TLK1: variants seen among roughly 807,000 people sequenced by gnomAD.
TLK1 encodes serine/threonine-protein kinase tousled-like 1.
TLK1 carries 24 observed loss-of-function variants against 105.3 expected under a neutral mutation model. That is an observed-to-expected ratio of 0.23 (90% CI 0.17 to 0.32). The LOEUF is 0.32. Among genes scored for constraint, TLK1 ranks in the 10% least tolerant of loss-of-function variants. The probability of loss-of-function intolerance (pLI) is 1.00; values close to 1 mark genes in which losing one functional copy is unlikely to be tolerated. For missense variants in TLK1, 558 were observed against 910.5 expected, an observed-to-expected ratio of 0.61 and a Z score of 4.98; for synonymous variants, 321 against 310.4, an observed-to-expected ratio of 1.03 and a Z score of -0.36.
At chr2:171,145,596 A>AAAAAAAC (rs976687041) in intron 1 of TLK1, among the ~76,000 whole-genome samples, 1 of 151,648 alleles carries the variant, frequency 6.6e-6, no homozygotes, top group Non-Finnish European at 1.5e-5. Context: ...TCTCAAAAAA[A>AAAAAAAC]AAAAAACAAA....
intron 1 of TLK1, among the ~76,000 whole-genome samples, chr2:171,138,337 T>C (rs1691427469): frequency 6.6e-6 from 1 of 152,178 alleles, no homozygotes; most frequent in Non-Finnish European, 1.5e-5. Flanking sequence ...GGCTTTATAA[T>C]AGCAAATAGA....
At chr2:171,037,611 C>T (rs866929412) in intron 11 of TLK1, among the ~76,000 whole-genome samples, 12 of 151,636 alleles carry the variant, frequency 7.9e-5, no homozygotes, top group Non-Finnish European at 1.6e-4. Context: ...TAAAATTTTT[C>T]GTATCTATTA....
intron 2 of TLK1, among the ~76,000 whole-genome samples, chr2:171,094,587 G>T (rs1285045206): frequency 6.6e-6 from 1 of 152,066 alleles, no homozygotes; most frequent in Non-Finnish European, 1.5e-5. Context: ...GACACTGTAA[G>T]GGCAAGCAAT....
At chr2:171,136,542 G>A (rs953695405) in intron 1 of TLK1, among the ~76,000 whole-genome samples, 1 of 151,968 alleles carries the variant, frequency 6.6e-6, no homozygotes, top group Non-Finnish European at 1.5e-5. Context: ...AGAGTGAGAC[G>A]CTGTCTCAAA....
At position 171,196,122 on chromosome 2, in the gene TLK1, G is replaced by GTTTT. The variant is rs570467416; in HGVS notation, c.-6+35019_-6+35022dup. Among the ~76,000 whole-genome samples the GTTTT allele has an allele frequency of 3.0e-3, 425 of 141,178 alleles. 6 individuals are homozygous for GTTTT. Among genetic ancestry groups the GTTTT allele is most frequent in the Middle Eastern group, 0.015 (4 of 264 alleles). The allele number at this position is 141,178 out of a possible 152,430, so 92.6% of individuals were successfully genotyped here. ...AAGGAAGGGAGGGACATTGTAGCTG[G>GTTTT]TTTTTTTTTTTTGAGATGGAGTCTC... On this transcript the variant is annotated intron_variant, in intron 1 of 20. Transcript: ENST00000521943.
chr2:171,036,242 C>T (rs1020719121), intron 11 of TLK1, among the ~76,000 whole-genome samples: 2 of 152,098 alleles, frequency 1.3e-5, no homozygotes, highest in Non-Finnish European at 2.9e-5. Flanking sequence ...GTCAGGAGTT[C>T]GAGACCAGCC....
intron 1 of TLK1, among the ~76,000 whole-genome samples, chr2:171,129,875 C>T (rs529093869): frequency 6.6e-6 from 1 of 151,620 alleles, no homozygotes; most frequent in South Asian, 2.1e-4. Context: ...CATAACATAA[C>T]ATAACATAAC....
At chr2:171,150,461 ACTGTCAATCCTGGCTTT>A (rs1691988207) in intron 1 of TLK1, among the ~76,000 whole-genome samples, 2 of 152,142 alleles carry the variant, frequency 1.3e-5, no homozygotes, top group African/African-American at 2.4e-5. Flanking sequence ...TCTCAAGGGG[ACTGTCAATCCTGGCTTT>A]CTGTGGGTTC....
chr2:171,066,698 T>G, intron 3 of TLK1: 1 of 798,874 alleles, frequency 1.3e-6, no homozygotes, highest in Non-Finnish European at 1.9e-6. Context: ...ATGAAAATGA[T>G]TTTGTCTGTT....
chr2:171,167,441 T>G (rs1326707066), intron 1 of TLK1, among the ~76,000 whole-genome samples: 1 of 152,182 alleles, frequency 6.6e-6, no homozygotes, highest in Non-Finnish European at 1.5e-5. Context: ...TTTTTTTGAT[T>G]AGTTGCTTAG....
At position 171,022,507 on chromosome 2, in the gene TLK1, T is replaced by C. The variant is rs533168790; in HGVS notation, c.1236+5832A>G. Among the ~76,000 whole-genome samples, 21 of 152,268 alleles carry C rather than the reference T, an allele frequency of 1.4e-4. No individual in the cohort carries two copies. In the South Asian group the frequency reaches 3.5e-3, roughly 26 times the overall value. ...GGCTTAATCACGACTTTTTCCAGTA[T>C]AGTATACTTTTCCCAGAATTCCACT... On this transcript the variant is annotated intron_variant, in intron 12 of 20. Transcript: ENST00000431350.
chr2:171,144,017 T>C (rs907135020), intron 1 of TLK1, among the ~76,000 whole-genome samples: 4 of 152,148 alleles, frequency 2.6e-5, no homozygotes, highest in African/African-American at 9.7e-5. Context: ...AAACATACCA[T>C]GCAAAAGAGC....
At chr2:171,015,118 G>C (rs1478434836) in intron 12 of TLK1, among the ~76,000 whole-genome samples, 170 bp from the exon 13 acceptor site, 3 of 152,036 alleles carry the variant, frequency 2.0e-5, no homozygotes, top group Non-Finnish European at 4.4e-5. Flanking sequence ...GATGGAAAGA[G>C]ATAAGGCAAA....
rs1558991341 is a variant in TLK1 at position 171,207,483 on chromosome 2, A to C, written c.-6+23662T>G. Among the ~76,000 whole-genome samples the C allele has an allele frequency of 2.0e-5, 3 of 152,172 alleles. No individual in the cohort carries two copies. In the South Asian group the frequency reaches 6.2e-4, roughly 32 times the overall value. On this transcript the variant is annotated intron_variant, in intron 1 of 20. Coordinates refer to the TLK1 transcript ENST00000521943. Reference sequence around the variant, plus strand: ...TTTGTTCAAACCCATAGAATGTACAACACCAAGAGGGAACCCTAATACAAA... The same window carrying C: ...TTTGTTCAAACCCATAGAATGTACACCACCAAGAGGGAACCCTAATACAAA...
chr2:171,151,470 CTT>C (rs55670860), intron 1 of TLK1, among the ~76,000 whole-genome samples: 12,493 of 123,294 alleles, frequency 0.1, 597 homozygotes, highest in African/African-American at 0.23. Context: ...ATATGTGTAT[CTT>C]TTTTTTTTTT....
Position 171,118,270 on chromosome 2 carries a change from A to T in TLK1, c.140-413T>A, listed in dbSNP as rs557124213. 1.1e-3 allele frequency among the ~76,000 whole-genome samples: 169 copies of T among 152,290 alleles called. 1 individual carries two copies. Among genetic ancestry groups the T allele is most frequent in the Non-Finnish European group, 2.4e-4 (16 of 68,012 alleles). On this transcript the variant is annotated intron_variant, in intron 1 of 20. Coordinates refer to ENST00000431350, the MANE Select transcript of TLK1 (RefSeq NM_012290.5). Reference sequence around the variant, plus strand: ...GCAATTAAATTGATTTCATAAACCAACAATGGACCATGGGTCCATAGTTTA... The same window carrying T: ...GCAATTAAATTGATTTCATAAACCATCAATGGACCATGGGTCCATAGTTTA...
rs1683886948 is a variant in TLK1, at chr2:170,993,569, G to T, written c.*211C>A. On this transcript the variant is annotated 3_prime_UTR_variant, in exon 21 of 21. Coordinates refer to ENST00000431350, the MANE Select transcript of TLK1 (RefSeq NM_012290.5). ...CCTTCCTTCACTGCTCAAAATTATA[G>T]TCAGAAGTGTGCATTTATTCATTGT... The T allele has an allele frequency of 2.5e-6, 1 of 406,018 alleles. No individual in the cohort carries two copies. Among genetic ancestry groups the T allele is most frequent in the African/African-American group, 2.1e-5 (1 of 46,934 alleles). The allele number at this position is 406,018 out of a possible 1,614,324, so 25.2% of individuals were successfully genotyped here. A position where few individuals can be genotyped will look rare whatever the true frequency, so the allele number is the denominator to read the frequency against.
At chr2:171,062,591 CT>C (rs1687807005) in intron 3 of TLK1, among the ~76,000 whole-genome samples, 1 of 152,192 alleles carries the variant, frequency 6.6e-6, no homozygotes, top group African/African-American at 2.4e-5. Context: ...TACCCCACCC[CT>C]AGCATACAGT....
rs71008743 is a variant in TLK1 at position 171,009,291 on chromosome 2, C to CTTTTTTTTTTT, written c.1416+2071_1416+2081dup. Reference sequence around the variant, plus strand: ...CATGCAACAGTCAGGATTTCTTTTCCTTTTTTTTTTTTTTTTTTTTTTTTT... The same window carrying CTTTTTTTTTTT: ...CATGCAACAGTCAGGATTTCTTTTCCTTTTTTTTTTTTTTTTTTTTTTTTTTTTTTTTTTTT... On this transcript the variant is annotated intron_variant, in intron 14 of 20. Transcript: ENST00000431350. Among the ~76,000 whole-genome samples, 25 of 74,842 alleles carry CTTTTTTTTTTT rather than the reference C, an allele frequency of 3.3e-4. 2 individuals are homozygous for CTTTTTTTTTTT. The highest frequency in any genetic ancestry group is 1.5e-3 in the African/African-American group (24 of 16,386). 49.1% of individuals were successfully genotyped at this position (74,842 alleles called of 152,430 possible). A position where few individuals can be genotyped will look rare whatever the true frequency, so the allele number is the denominator to read the frequency against.
Sources: gnomAD v4.1 joint callset for allele counts (sites outside exome capture counted in the v4.1 genomes callset) on GRCh38, gnomAD v4.1.1 for gene constraint, MANE v1.5 for transcripts, NCBI Gene and HGNC (gene_info 2026-07-23, HGNC 2026-07-21) for gene names.